ADK: variants seen among roughly 807,000 people sequenced by gnomAD.
ADK encodes the protein N6,N6-dimethyladenosine kinase.
Under a neutral mutation model 44.7 loss-of-function variants are expected in ADK, and 24 were observed. The observed-to-expected ratio is 0.54, with a 90% CI of 0.39 to 0.76. ADK has a LOEUF of 0.76. Ranked by LOEUF, ADK falls within the 30% of genes least tolerant of loss-of-function variation. The probability of loss-of-function intolerance (pLI) is 0.00; values close to 1 mark genes in which losing one functional copy is unlikely to be tolerated. For synonymous variants in ADK, 128 were observed against 142.6 expected, an observed-to-expected ratio of 0.90 and a Z score of 0.73; for missense variants, 321 against 425.1, an observed-to-expected ratio of 0.76 and a Z score of 2.15.
intron 9 of ADK, among the ~76,000 whole-genome samples, chr10:74,615,271 T>C: frequency 6.6e-6 from 1 of 152,180 alleles, no homozygotes; most frequent in East Asian, 1.9e-4. Flanking sequence ...TTTCATCCAC[T>C]CATTATGGTT....
intron 6 of ADK, among the ~76,000 whole-genome samples, chr10:74,513,791 T>C (rs893333688): frequency 3.3e-5 from 5 of 152,202 alleles, no homozygotes; most frequent in Admixed American, 6.5e-5. Context: ...TCTGGTGGTT[T>C]GTATATCCTT....
Position 74,592,062 on chromosome 10 carries a change from C to T in ADK, c.762+2745C>T, listed in dbSNP as rs373726398. ...AAAAAAAAAATCTTTAAACTGAATT[C>T]GGCAGTTTTCAGTGAGAAGCAGCAG... On this transcript the variant is annotated intron_variant, in intron 8 of 10. Coordinates refer to ENST00000539909, the MANE Select transcript of ADK (RefSeq NM_006721.4). Among the ~76,000 whole-genome samples the T allele has an allele frequency of 3.4e-4, 52 of 151,646 alleles. 2 individuals are homozygous for T. The highest frequency in any genetic ancestry group is 1.2e-3 in the African/African-American group (49 of 41,378).
In ADK at chr10:74,241,534, C is replaced by T. The variant is rs921523523; in HGVS notation, c.194+16943C>T. On this transcript the variant is annotated intron_variant, in intron 3 of 10. Coordinates refer to ENST00000539909, the MANE Select transcript of ADK (RefSeq NM_006721.4). ...CTGAGTAGCTGGGACTACAGGCACA[C>T]GCTACCATGACCGGCAAATTTTTGT... 7.9e-5 allele frequency among the ~76,000 whole-genome samples: 12 copies of T among 152,146 alleles called. No homozygotes were observed. The East Asian group carries it at 2.1e-3, about 27-fold the overall frequency.
intron 6 of ADK, among the ~76,000 whole-genome samples, chr10:74,494,473 T>C (rs1265443713): frequency 1.3e-5 from 2 of 152,178 alleles, no homozygotes; most frequent in African/African-American, 2.4e-5. Context: ...TAGTTTCTCC[T>C]AGAGTTTAGA....
intron 9 of ADK, among the ~76,000 whole-genome samples, chr10:74,640,428 G>A (rs1477537740): frequency 1.3e-5 from 2 of 152,224 alleles, no homozygotes; most frequent in Non-Finnish European, 2.9e-5. Context: ...GAGTAAGCTG[G>A]AAAATAACAA....
At chr10:74,645,339 A>T (rs893951473) in intron 9 of ADK, among the ~76,000 whole-genome samples, 1 of 152,156 alleles carries the variant, frequency 6.6e-6, no homozygotes, top group African/African-American at 2.4e-5. Context: ...TTTCATTTTC[A>T]TGCATCAGAG....
At chr10:74,402,435 G>T (rs534098867) in intron 6 of ADK, among the ~76,000 whole-genome samples, 1 of 151,796 alleles carries the variant, frequency 6.6e-6, no homozygotes, top group African/African-American at 2.4e-5. Context: ...GGCTTTGTGC[G>T]TTTCTTTTTA....
In ADK at chr10:74,642,822, A is replaced by G. The variant is rs1240505806; in HGVS notation, c.878-27361A>G. On this transcript the variant is annotated intron_variant, in intron 9 of 10. Transcript: ENST00000539909. ...ACTCTCTGAATTCTTATAAAATCTT[A>G]AGTTCTTTTTTTTTTTTTTTTTTTT... is the stretch of plus-strand genomic sequence containing the variant. Among the ~76,000 whole-genome samples the G allele has an allele frequency of 2.2e-4, 32 of 143,686 alleles. No homozygotes were observed. The Admixed American group carries it at 2.2e-3, about 10-fold the overall frequency. 94.3% of individuals were successfully genotyped at this position (143,686 alleles called of 152,430 possible). A position where few individuals can be genotyped will look rare whatever the true frequency, so the allele number is the denominator to read the frequency against.
chr10:74,267,170 A>G (rs942568239), intron 3 of ADK, among the ~76,000 whole-genome samples: 4 of 152,218 alleles, frequency 2.6e-5, no homozygotes, highest in Non-Finnish European at 5.9e-5. Context: ...CTCAAACAGC[A>G]CAGGTTTGAA....
At chr10:74,584,986 G>T (rs1489038609) in intron 7 of ADK, among the ~76,000 whole-genome samples, 1 of 152,172 alleles carries the variant, frequency 6.6e-6, no homozygotes, top group African/African-American at 2.4e-5. Flanking sequence ...GAAATATAGA[G>T]AAAGTTTTCT....
At chr10:74,227,863 A>G (rs183548654) in intron 3 of ADK, among the ~76,000 whole-genome samples, 17 of 152,012 alleles carry the variant, frequency 1.1e-4, no homozygotes, top group South Asian at 1.0e-3. Context: ...AAAAAAAATT[A>G]GCCTGATGAG....
At chr10:74,499,438 C>T (rs1419817644) in intron 6 of ADK, among the ~76,000 whole-genome samples, 1 of 152,162 alleles carries the variant, frequency 6.6e-6, no homozygotes, top group African/African-American at 2.4e-5. Flanking sequence ...CCTGTAATCC[C>T]AGCACTTTGG....
chr10:74,166,494 A>G (rs984107268), intron 1 of ADK, among the ~76,000 whole-genome samples: 2 of 151,904 alleles, frequency 1.3e-5, no homozygotes, highest in African/African-American at 4.8e-5. Flanking sequence ...TAATTTTGGT[A>G]TTTTTTGTAG....
rs144594652 is a variant in ADK, at chr10:74,421,485, G to A, written c.555+22906G>A. ...GCTTAATATATGCAGATGGATAGAT[G>A]CAGAAATAATTATAGATGCATGTGT... On this transcript the variant is annotated intron_variant, in intron 6 of 10. Coordinates refer to ENST00000539909, the MANE Select transcript of ADK (RefSeq NM_006721.4). Among the ~76,000 whole-genome samples the A allele has an allele frequency of 1.6e-3, 245 of 152,260 alleles. 2 individuals are homozygous for A. Among genetic ancestry groups the A allele is most frequent in the African/African-American group, 5.6e-3 (233 of 41,566 alleles).
At chr10:74,456,067 T>C (rs1353732365) in intron 6 of ADK, among the ~76,000 whole-genome samples, 1 of 152,116 alleles carries the variant, frequency 6.6e-6, no homozygotes, top group Non-Finnish European at 1.5e-5. Context: ...CAAAGAGTCT[T>C]AGCCTCCCAC....
At chr10:74,601,374 T>C (rs1400379367) in intron 9 of ADK, among the ~76,000 whole-genome samples, 1 of 152,152 alleles carries the variant, frequency 6.6e-6, no homozygotes, top group East Asian at 1.9e-4. Context: ...TGTCAAGATA[T>C]TTTCTTTCTT....
At chr10:74,654,979 C>T (rs187721790) in intron 9 of ADK, 14 of 163,592 alleles carry the variant, frequency 8.6e-5, no homozygotes, top group Admixed American at 1.9e-4. Flanking sequence ...ATGCAGTGAG[C>T]GAACCCAGCA....
chr10:74,316,140 T>G (rs1388596891), intron 4 of ADK, among the ~76,000 whole-genome samples: 5 of 151,876 alleles, frequency 3.3e-5, no homozygotes, highest in East Asian at 3.9e-4. Context: ...CTTGGGAGGC[T>G]GAGGCCAGAG....
At chr10:74,300,768 T>C (rs1384278122) in intron 3 of ADK, among the ~76,000 whole-genome samples, 2 of 152,224 alleles carry the variant, frequency 1.3e-5, no homozygotes, top group Non-Finnish European at 2.9e-5. Context: ...TAATGTAGTT[T>C]GAATCACAAG....
Sources: allele counts gnomAD v4.1 joint callset (sites outside exome capture counted in the v4.1 genomes callset), GRCh38; gene constraint gnomAD v4.1.1; transcripts MANE v1.5; gene names NCBI Gene and HGNC (gene_info 2026-07-23, HGNC 2026-07-21).